ANGPTL2: variants seen among roughly 807,000 people sequenced by gnomAD.
ANGPTL2 encodes the protein angiopoietin-related protein 2.
ANGPTL2 carries 25 observed loss-of-function variants against 52.8 expected under a neutral mutation model. The ratio of observed to expected loss-of-function variants is 0.47; its 90% CI spans 0.35 to 0.66. The LOEUF is 0.66. Ranked by LOEUF, ANGPTL2 falls within the 30% of genes least tolerant of loss-of-function variation. The pLI, the probability that ANGPTL2 is intolerant of heterozygous loss-of-function variation, is 0.01. For synonymous variants in ANGPTL2, 276 were observed against 277.4 expected (o/e 1.00, Z 0.05); for missense variants, 546 against 656.9 (o/e 0.83, Z 1.84).
chr9:127,114,359 A>G (rs2137371043), intron 1 of ANGPTL2, among the ~76,000 whole-genome samples: 1 of 152,326 alleles, frequency 6.6e-6, no homozygotes, highest in Middle Eastern at 3.4e-3. Context: ...CCAAATCACA[A>G]ATTAATAAGT....
intron 1 of ANGPTL2, among the ~76,000 whole-genome samples, chr9:127,117,742 C>G (rs1307466055): frequency 6.6e-6 from 1 of 152,208 alleles, no homozygotes; most frequent in East Asian, 1.9e-4. Flanking sequence ...TCTACCTGGC[C>G]CTGAGTGGGT....
At chr9:127,101,791 C>T (rs2053755381) in intron 2 of ANGPTL2, among the ~76,000 whole-genome samples, 1 of 152,132 alleles carries the variant, frequency 6.6e-6, no homozygotes, top group South Asian at 2.1e-4. Context: ...TACTTAATTT[C>T]AACATTTAGG....
chr9:127,108,660 C>G lies in ANGPTL2; in HGVS notation c.72G>C (p.Glu24Asp). 1 of 1,613,718 alleles carries G rather than the reference C, an allele frequency of 6.2e-7. No homozygotes were observed. Among genetic ancestry groups the G allele is most frequent in the South Asian group, 1.1e-5 (1 of 91,036 alleles). Residue 24 changes from glutamate to aspartate, a missense_variant, in exon 2 of 5, where the codon GAG becomes GAC. Coordinates refer to ENST00000373425, the MANE Select transcript of ANGPTL2 (RefSeq NM_012098.3). ...CCTCCTCAGTGCCCTCAAAACCGTCCTCCTGGCCTGCAACAGCTCCCATGG... is the reference window on the plus strand; with the variant it reads ...CCTCCTCAGTGCCCTCAAAACCGTCGTCCTGGCCTGCAACAGCTCCCATGG... ...LAAMGAVAGQEDGFEGTEEGS... is the reference protein window; with the variant it reads ...LAAMGAVAGQDDGFEGTEEGS...
rs973286880 is a variant in ANGPTL2, at chr9:127,122,500, G to C, written c.-235C>G. 1.3e-5 allele frequency: 2 copies of C among 152,730 alleles called. No homozygotes were observed. The highest frequency in any genetic ancestry group is 4.8e-5 in the African/African-American group (2 of 41,460). The allele number at this position is 152,730 out of a possible 1,614,324, so 9.5% of individuals were successfully genotyped here. On this transcript the variant is annotated 5_prime_UTR_variant, in exon 1 of 5. Transcript: ENST00000373425. The surrounding 1 kb of genome is among the most constrained non-coding windows in gnomAD (Gnocchi z 6.4). ...AGGGCTCCGGCAGAGGCTGGGGCCA[G>C]GGCTGGCCAGGGGTCCTGCGGGGCT...
chr9:127,095,355 C>A (rs2052999893), intron 2 of ANGPTL2, among the ~76,000 whole-genome samples: 1 of 152,116 alleles, frequency 6.6e-6, no homozygotes, highest in African/African-American at 2.4e-5. Context: ...CTGAGATGGC[C>A]CCACTGCACT....
chr9:127,115,425 C>T (rs2055298496), intron 1 of ANGPTL2, among the ~76,000 whole-genome samples: 1 of 152,138 alleles, frequency 6.6e-6, no homozygotes, highest in Non-Finnish European at 1.5e-5. Context: ...ATTAATAGCA[C>T]CCCCTTTTCA....
chr9:127,101,391 A>G (rs1435299466), intron 2 of ANGPTL2, among the ~76,000 whole-genome samples: 1 of 152,202 alleles, frequency 6.6e-6, no homozygotes, highest in African/African-American at 2.4e-5. Context: ...CTGTGTCCCC[A>G]TAAGACTGTG....
At chr9:127,096,961 TA>T (rs1012443280) in intron 2 of ANGPTL2, among the ~76,000 whole-genome samples, 1 of 152,124 alleles carries the variant, frequency 6.6e-6, no homozygotes, top group Non-Finnish European at 1.5e-5. Flanking sequence ...ACCTGGTGGG[TA>T]AAGGACACAG....
Position 127,088,870 on chromosome 9 carries a change from G to A in ANGPTL2, c.*69C>T. 1 of 1,575,764 alleles carries A rather than the reference G, an allele frequency of 6.3e-7. No individual in the cohort carries two copies. Among genetic ancestry groups the A allele is most frequent in the Non-Finnish European group, 8.7e-7 (1 of 1,146,870 alleles). On this transcript the variant is annotated 3_prime_UTR_variant, in exon 5 of 5. Coordinates refer to ENST00000373425, the MANE Select transcript of ANGPTL2 (RefSeq NM_012098.3). The stretch of plus-strand genomic sequence containing the variant: ...ATGAACTGGTGAGGAGTTGTTCTTT[G>A]TGCTGTGGCCAGCGTGACCAGGGTG...
rs1309279818 is a variant in ANGPTL2, at chr9:127,108,482, C to G, written c.250G>C (p.Val84Leu). ...AGCAGCTCTAGCTCCTGCTTATGCA[C>G]TCGGTTCTCCAGAAGCACCTCAGGC... ...KEPEVLLENR[V>L]HKQELELLNN... The change falls in exon 2 of 5, where the codon GTG becomes CTG. Residue 84 changes from valine to leucine, a missense_variant. Val to Leu is a conservative substitution (Grantham distance 32). Coordinates refer to ENST00000373425, the MANE Select transcript of ANGPTL2 (RefSeq NM_012098.3). 2 of 1,612,710 alleles carry G rather than the reference C, an allele frequency of 1.2e-6. No homozygotes were observed. The highest frequency in any genetic ancestry group is 1.1e-5 in the South Asian group (1 of 90,908).
intron 2 of ANGPTL2, among the ~76,000 whole-genome samples, chr9:127,105,906 A>G (rs1355967635): frequency 6.6e-6 from 1 of 152,242 alleles, no homozygotes; most frequent in African/African-American, 2.4e-5. Context: ...TGGCTTTACT[A>G]CATGACATAA....
At chr9:127,109,074 C>T (rs375286026) in intron 1 of ANGPTL2, among the ~76,000 whole-genome samples, 1 of 152,230 alleles carries the variant, frequency 6.6e-6, no homozygotes, top group South Asian at 2.1e-4. Context: ...AGCCCCCTTG[C>T]TGAACTCCTG....
At chr9:127,115,852 C>A (rs1458411294) in intron 1 of ANGPTL2, among the ~76,000 whole-genome samples, 1 of 152,224 alleles carries the variant, frequency 6.6e-6, no homozygotes. Flanking sequence ...CTTGGAGAAC[C>A]TGGTGAAAGG....
At chr9:127,103,969 G>T (rs990002322) in intron 2 of ANGPTL2, among the ~76,000 whole-genome samples, 12 of 152,138 alleles carry the variant, frequency 7.9e-5, no homozygotes, top group Admixed American at 7.2e-4. Context: ...TGTACCCTTG[G>T]CTAAGTTACT....
rs1589522456 is a variant in ANGPTL2 at position 127,108,450 on chromosome 9, A to G, written c.282T>C (p.Asn94=). 2.5e-6 allele frequency: 4 copies of G among 1,610,108 alleles called. No homozygotes were observed. Among genetic ancestry groups the G allele is most frequent in the East Asian group, 2.2e-5 (1 of 44,706 alleles). The change falls in exon 2 of 5, where the codon AAT becomes AAC. Residue 94 remains asparagine (N), a synonymous_variant. Coordinates refer to ENST00000373425, the MANE Select transcript of ANGPTL2 (RefSeq NM_012098.3). ...TCTGCCGCTTCTGCTTGAGCAGCTC[A>G]TTGTTGAGCAGCTCTAGCTCCTGCT... is the stretch of plus-strand genomic sequence containing the variant. ...VHKQELELLN[N]ELLKQKRQIE... is the part of the protein sequence containing the mutation.
chr9:127,122,506 G>T lies in ANGPTL2; in HGVS notation c.-241C>A, dbSNP rs867955716. 2.4e-4 allele frequency: 37 copies of T among 152,942 alleles called. No individual in the cohort carries two copies. The highest frequency in any genetic ancestry group is 3.3e-3 in the Middle Eastern group (1 of 302). The allele number at this position is 152,942 out of a possible 1,614,324, so 9.5% of individuals were successfully genotyped here. ...CCGGCAGAGGCTGGGGCCAGGGCTG[G>T]CCAGGGGTCCTGCGGGGCTGCTCAC... On this transcript the variant is annotated 5_prime_UTR_variant, in exon 1 of 5. Coordinates refer to ENST00000373425, the MANE Select transcript of ANGPTL2 (RefSeq NM_012098.3). The surrounding 1 kb of genome is among the most constrained non-coding windows in gnomAD (Gnocchi z 6.4).
At chr9:127,116,822 A>G (rs2055479220) in intron 1 of ANGPTL2, among the ~76,000 whole-genome samples, 1 of 152,210 alleles carries the variant, frequency 6.6e-6, no homozygotes, top group Non-Finnish European at 1.5e-5. Flanking sequence ...GACTATCCTC[A>G]TTTCACAGAT....
At chr9:127,108,887 C>G (rs1440111967) in intron 1 of ANGPTL2, 107 bp from the exon 2 acceptor site, 5 of 819,144 alleles carry the variant, frequency 6.1e-6, no homozygotes, top group Non-Finnish European at 9.2e-6. Flanking sequence ...TTTCCAAAAA[C>G]TCTGCTTCAG....
chr9:127,093,671 G>A, intron 3 of ANGPTL2, 62 bp downstream of exon 3: 2 of 1,584,904 alleles, frequency 1.3e-6, no homozygotes, highest in South Asian at 2.3e-5. Context: ...GGTTGCTCAG[G>A]CCTCTCTTGG....
Sources: allele counts gnomAD v4.1 joint callset (sites outside exome capture counted in the v4.1 genomes callset), GRCh38; gene constraint gnomAD v4.1.1; non-coding constraint Gnocchi (gnomAD v3.1); transcripts MANE v1.5; gene names NCBI Gene and HGNC (gene_info 2026-07-23, HGNC 2026-07-21).